TPTE2: variants seen among roughly 807,000 people sequenced by gnomAD.
TPTE2 encodes transmembrane phosphoinositide 3-phosphatase and tensin homolog 2.
TPTE2 carries 53 observed loss-of-function variants against 78.6 expected under a neutral mutation model. The observed-to-expected ratio is 0.67, with a 90% CI of 0.54 to 0.85. The LOEUF (loss-of-function observed/expected upper bound fraction) is 0.85, where lower values mean the gene tolerates loss of function less well. TPTE2 is among the 40% of genes least tolerant of loss of function. The pLI is 0.00. For missense variants in TPTE2, 461 were observed against 623.0 expected (o/e 0.74, Z 2.77); for synonymous variants, 175 against 206.2 (o/e 0.85, Z 1.30).
chr13:19,434,366 AG>A (rs1163579196), intron 15 of TPTE2, among the ~76,000 whole-genome samples: 1 of 152,220 alleles, frequency 6.6e-6, no homozygotes, highest in African/African-American at 2.4e-5. Context: ...AAGAGCGCAC[AG>A]TCTAAATGTG....
At chr13:19,560,268 A>G in the TPTE2 span, 2,512 of 931,020 alleles carry the variant, frequency 2.7e-3, 42 homozygotes, top group African/African-American at 0.035. Flanking sequence ...CGATGGGCAC[A>G]GAGTCTGAAT....
At chr13:19,531,098 T>A (rs1388583403) in intron 1 of TPTE2, among the ~76,000 whole-genome samples, 3 of 152,196 alleles carry the variant, frequency 2.0e-5, no homozygotes, top group Non-Finnish European at 2.9e-5. Context: ...ATTCATATAA[T>A]ATTTGTTCTT....
intron 10 of TPTE2, among the ~76,000 whole-genome samples, chr13:19,460,986 C>T (rs1274095455): frequency 6.6e-6 from 1 of 152,090 alleles, no homozygotes; most frequent in Non-Finnish European, 1.5e-5. Flanking sequence ...CAAAAACTGC[C>T]ACAATTCTTT....
chr13:19,478,655 A>G (rs1319273677), intron 4 of TPTE2, among the ~76,000 whole-genome samples: 2 of 152,204 alleles, frequency 1.3e-5, no homozygotes, highest in Non-Finnish European at 2.9e-5. Flanking sequence ...CCATCCCATT[A>G]CTGGGTATAT....
intron 1 of TPTE2, among the ~76,000 whole-genome samples, chr13:19,531,156 G>A (rs1870843039): frequency 6.6e-6 from 1 of 152,154 alleles, no homozygotes; most frequent in Non-Finnish European, 1.5e-5. Flanking sequence ...AGGTTCATCT[G>A]TGTTGTAGCA....
chr13:19,492,748 G>T (rs1324795640), intron 3 of TPTE2, 102 bp downstream of exon 6: 5 of 1,496,340 alleles, frequency 3.3e-6, no homozygotes, highest in Non-Finnish European at 3.7e-6. Context: ...ACAAAAGTGT[G>T]TATGGATGAA....
At chr13:19,540,052 G>A (rs1374368919), upstream of TPTE2, among the ~76,000 whole-genome samples, 3 of 152,140 alleles carry the variant, frequency 2.0e-5, no homozygotes, top group African/African-American at 2.4e-5. Context: ...GCTGAGGCAG[G>A]AGAATCACTT....
At chr13:19,423,818 C>G (rs776206734) in intron 19 of TPTE2, among the ~76,000 whole-genome samples, 1 of 152,090 alleles carries the variant, frequency 6.6e-6, no homozygotes, top group Non-Finnish European at 1.5e-5. Flanking sequence ...CCAAAATGAA[C>G]GCAGTGTTTT....
the TPTE2 span, among the ~76,000 whole-genome samples, chr13:19,551,041 G>T: frequency 2.6e-5 from 4 of 152,146 alleles, no homozygotes; most frequent in African/African-American, 9.7e-5. Flanking sequence ...CAAACATGTT[G>T]TAAGAGTAGA....
intron 17 of TPTE2, among the ~76,000 whole-genome samples, chr13:19,429,471 G>A (rs1052059608): frequency 3.9e-5 from 6 of 152,228 alleles, no homozygotes; most frequent in Non-Finnish European, 5.9e-5. Context: ...ACTGAGACTG[G>A]CGAATGCATT....
At chr13:19,431,684 T>A (rs1876615126) in intron 16 of TPTE2, among the ~76,000 whole-genome samples, 1 of 149,272 alleles carries the variant, frequency 6.7e-6, no homozygotes, top group Non-Finnish European at 1.5e-5. Context: ...GTGCAGAACT[T>A]CCTTCTATTG....
intron 1 of TPTE2, among the ~76,000 whole-genome samples, chr13:19,534,454 T>G (rs932018738): frequency 1.3e-5 from 2 of 152,198 alleles, no homozygotes; most frequent in Non-Finnish European, 2.9e-5. Context: ...AAGGAGCATC[T>G]TCATAAAGAT....
At chr13:19,427,530 T>G (rs1182838607) in intron 17 of TPTE2, among the ~76,000 whole-genome samples, 5 of 152,240 alleles carry the variant, frequency 3.3e-5, no homozygotes, top group African/African-American at 1.2e-4. Context: ...AGCTCAATTT[T>G]AAAGCTAGCA....
At chr13:19,513,527 T>C (rs1226797351) in intron 1 of TPTE2, among the ~76,000 whole-genome samples, 1 of 152,170 alleles carries the variant, frequency 6.6e-6, no homozygotes, top group African/African-American at 2.4e-5. Context: ...GTGCAAAGGA[T>C]TGAAAGGTAA....
chr13:19,545,827 A>C, the TPTE2 span, among the ~76,000 whole-genome samples: 1 of 152,152 alleles, frequency 6.6e-6, no homozygotes, highest in Non-Finnish European at 1.5e-5. Context: ...CTTGGCAGGA[A>C]CTCATACCTA....
chr13:19,494,060 G>A (rs1263707192), intron 1 of TPTE2, among the ~76,000 whole-genome samples: 2 of 152,122 alleles, frequency 1.3e-5, no homozygotes, highest in African/African-American at 4.8e-5. Flanking sequence ...AGGCTGCACA[G>A]TTCCCCAAGT....
chr13:19,443,397 C>CTTTTTTTTTTTTTTTTTTTCTT (rs71092357), intron 13 of TPTE2, among the ~76,000 whole-genome samples: 4 of 129,908 alleles, frequency 3.1e-5, no homozygotes, highest in Non-Finnish European at 4.9e-5. Context: ...TTCTTTCTTT[C>CTTTTTTTTTTTTTTTTTTTCTT]TTTTTTTTTT....
At chr13:19,487,363 C>G (rs1203824388) in intron 3 of TPTE2, among the ~76,000 whole-genome samples, 1 of 152,078 alleles carries the variant, frequency 6.6e-6, no homozygotes, top group Non-Finnish European at 1.5e-5. Flanking sequence ...GCAGAGGGCT[C>G]CTGGGCAGGC....
At chr13:19,454,477 G>A (rs1032701249) in intron 10 of TPTE2, among the ~76,000 whole-genome samples, 3 of 152,180 alleles carry the variant, frequency 2.0e-5, no homozygotes, top group African/African-American at 7.2e-5. Flanking sequence ...AGCCTGCCCA[G>A]GTAGCTGAAC....
Sources: gnomAD v4.1 joint callset for allele counts (sites outside exome capture counted in the v4.1 genomes callset) on GRCh38, gnomAD v4.1.1 for gene constraint, MANE v1.5 for transcripts, NCBI Gene and HGNC (gene_info 2026-07-23, HGNC 2026-07-21) for gene names.